The following DPH6 variants were observed in gnomAD, a reference collection of about 807,000 sequenced individuals.
DPH6 encodes diphthamine biosynthesis 6, also known as diphthine--ammonia ligase.
A neutral mutation model predicts 38.2 loss-of-function variants in DPH6; 33 were observed. That is an observed-to-expected ratio of 0.86 (90% confidence interval 0.65 to 1.15). The LOEUF is 1.15. Among genes scored for constraint, DPH6 ranks in the 50% most tolerant of loss-of-function variants. DPH6 has a pLI of 0.00. For missense variants in DPH6, 325 were observed against 320.0 expected, an observed-to-expected ratio of 1.02 and a Z score of -0.12; for synonymous variants, 108 against 103.0, an observed-to-expected ratio of 1.05 and a Z score of -0.30.
In DPH6 at chr15:35,269,790, C is replaced by CTT. The variant is rs1198000526; in HGVS notation, n.201-49210_201-49209dup. Among the ~76,000 whole-genome samples, 74 of 108,546 alleles carry CTT rather than the reference C, an allele frequency of 6.8e-4. 1 individual carries two copies. The highest frequency in any genetic ancestry group is 2.0e-3 in the East Asian group (7 of 3,564). 71.2% of individuals were successfully genotyped at this position (108,546 alleles called of 152,430 possible). The stretch of plus-strand genomic sequence containing the variant: ...CTTTCACATTGTTAAGGGTGTGTTT[C>CTT]TTTTTTTTTTTTTTTTTTGAGACGG... On this transcript the variant is annotated intron_variant and non_coding_transcript_variant, in intron 3 of 3. Coordinates refer to the DPH6 transcript ENST00000560386.
the DPH6 span, among the ~76,000 whole-genome samples, chr15:35,201,005 C>A: frequency 1.6e-5 from 2 of 126,034 alleles, no homozygotes; most frequent in Non-Finnish European, 1.6e-5. Context: ...TTTTTTTTAC[C>A]ATTTCTATCA....
At chr15:35,334,392 T>C (rs535257285) in intron 3 of DPH6, among the ~76,000 whole-genome samples, 12 of 152,232 alleles carry the variant, frequency 7.9e-5, no homozygotes, top group African/African-American at 2.6e-4. Flanking sequence ...TCTTTTTTTC[T>C]TTTCTTCTAC....
chr15:35,233,142 T>C (rs2051529702), intron 3 of DPH6, among the ~76,000 whole-genome samples: 1 of 152,030 alleles, frequency 6.6e-6, no homozygotes, highest in African/African-American at 2.4e-5. Flanking sequence ...ACCCCGTCTC[T>C]ACTAAAAATA....
chr15:35,465,658 T>C (rs2054117552), intron 3 of DPH6, among the ~76,000 whole-genome samples: 1 of 152,178 alleles, frequency 6.6e-6, no homozygotes, highest in South Asian at 2.1e-4. Context: ...AATCTTTTGT[T>C]TTTTTCTTAA....
intron 3 of DPH6, among the ~76,000 whole-genome samples, chr15:35,456,831 C>T (rs1336610997): frequency 1.3e-5 from 2 of 152,050 alleles, no homozygotes; most frequent in Admixed American, 6.5e-5. Flanking sequence ...TATCCATTTG[C>T]CATTCACTAG....
At chr15:35,474,703 T>C (rs1287500141) in intron 3 of DPH6, among the ~76,000 whole-genome samples, 1 of 152,118 alleles carries the variant, frequency 6.6e-6, no homozygotes, top group Non-Finnish European at 1.5e-5. Flanking sequence ...AAATGTTTAT[T>C]AGTCATCAAT....
chr15:35,391,514 T>G (rs1192197915), intron 6 of DPH6, among the ~76,000 whole-genome samples: 1 of 152,192 alleles, frequency 6.6e-6, no homozygotes, highest in African/African-American at 2.4e-5. Context: ...CTAGCCACTT[T>G]GTTTACCTAC....
intron 5 of DPH6, among the ~76,000 whole-genome samples, chr15:35,436,541 C>G (rs988452534): frequency 6.9e-6 from 1 of 145,446 alleles, no homozygotes; most frequent in African/African-American, 2.5e-5. Flanking sequence ...CTGTTCGTCA[C>G]TGCACTCCAG....
At chr15:35,509,304 A>G (rs1290833050) in intron 3 of DPH6, among the ~76,000 whole-genome samples, 1 of 152,220 alleles carries the variant, frequency 6.6e-6, no homozygotes, top group African/African-American at 2.4e-5. Flanking sequence ...TTTCTTCAGC[A>G]TTGACTCAAA....
intron 2 of DPH6, among the ~76,000 whole-genome samples, chr15:35,540,759 A>C (rs1172932165): frequency 6.6e-6 from 1 of 152,118 alleles, no homozygotes; most frequent in Non-Finnish European, 1.5e-5. Flanking sequence ...TGAACCATGA[A>C]CACAAGGAAG....
At chr15:35,348,787 G>T (rs2052483486) in intron 3 of DPH6, among the ~76,000 whole-genome samples, 2 of 152,064 alleles carry the variant, frequency 1.3e-5, no homozygotes, top group South Asian at 4.1e-4. Context: ...ATCACGGGAT[G>T]TCTTCCCCTT....
At chr15:35,167,560 A>T in the DPH6 span, among the ~76,000 whole-genome samples, 2 of 85,256 alleles carry the variant, frequency 2.3e-5, no homozygotes, top group African/African-American at 8.7e-5. Flanking sequence ...CAGAGATTTT[A>T]TGTCTTTTTT....
intron 3 of DPH6, among the ~76,000 whole-genome samples, chr15:35,235,199 G>A (rs1481859953): frequency 6.6e-6 from 1 of 152,198 alleles, no homozygotes; most frequent in African/African-American, 2.4e-5. Flanking sequence ...AAGTGAAAGA[G>A]AGCCTGGGAG....
chr15:35,409,219 A>G (rs1317464908), intron 6 of DPH6, among the ~76,000 whole-genome samples: 2 of 151,858 alleles, frequency 1.3e-5, no homozygotes, highest in South Asian at 4.1e-4. Context: ...GTGATTTCCT[A>G]TATCATGGCT....
chr15:35,523,240 CT>C (rs35551024), intron 3 of DPH6, among the ~76,000 whole-genome samples: 76,304 of 100,062 alleles, frequency 0.76, 27,256 homozygotes, highest in South Asian at 0.86. Flanking sequence ...GTTACACATT[CT>C]TTTTTTTTTT....
intron 3 of DPH6, among the ~76,000 whole-genome samples, chr15:35,311,077 C>CA (rs747463124): frequency 1.3e-4 from 19 of 146,742 alleles, no homozygotes; most frequent in Non-Finnish European, 2.7e-4. Flanking sequence ...ACAACAACAA[C>CA]AACAAAAAAA....
chr15:35,369,122 T>C (rs893173729), downstream of DPH6, among the ~76,000 whole-genome samples: 1 of 151,722 alleles, frequency 6.6e-6, no homozygotes, highest in South Asian at 2.1e-4. Flanking sequence ...ATGACCATTA[T>C]AGGGGAAATT....
At chr15:35,263,193 T>A in intron 3 of DPH6, among the ~76,000 whole-genome samples, 1 of 152,068 alleles carries the variant, frequency 6.6e-6, no homozygotes, top group East Asian at 1.9e-4. Flanking sequence ...TATTTACATA[T>A]CACCTTTCTT....
chr15:35,295,540 C>T (rs191204922), intron 3 of DPH6, among the ~76,000 whole-genome samples: 142 of 152,268 alleles, frequency 9.3e-4, no homozygotes, highest in African/African-American at 3.1e-3. Flanking sequence ...TGTCTTCCTC[C>T]ATGCCATTAC....
Sources: gnomAD v4.1 joint callset for allele counts (sites outside exome capture counted in the v4.1 genomes callset) on GRCh38, gnomAD v4.1.1 for gene constraint, MANE v1.5 for transcripts, NCBI Gene and HGNC (gene_info 2026-07-23, HGNC 2026-07-21) for gene names.